HS3ST4: variants seen among roughly 807,000 people sequenced by gnomAD.
HS3ST4 encodes the protein heparan sulfate-glucosamine 3-sulfotransferase 4, also known as heparan sulfate glucosamine 3-O-sulfotransferase 4.
A neutral mutation model predicts 29.2 loss-of-function variants in HS3ST4; 17 were observed. The observed-to-expected ratio is 0.58, with a 90% CI of 0.40 to 0.87. HS3ST4 has a LOEUF of 0.87. Among genes scored for constraint, HS3ST4 ranks in the 40% least tolerant of loss-of-function variants. The probability of loss-of-function intolerance (pLI) is 0.00; values close to 1 mark genes in which losing one functional copy is unlikely to be tolerated. For missense variants in HS3ST4, 627 were observed against 634.5 expected, an observed-to-expected ratio of 0.99 and a Z score of 0.13; for synonymous variants, 314 against 285.7, an observed-to-expected ratio of 1.10 and a Z score of -1.00.
intron 1 of HS3ST4, among the ~76,000 whole-genome samples, chr16:25,791,168 A>G (rs2141619827): frequency 6.6e-6 from 1 of 152,136 alleles, no homozygotes; most frequent in Admixed American, 6.5e-5. Context: ...ATTGCAGTAT[A>G]ATGTTACTTT....
chr16:25,894,795 C>A (rs920543516), intron 1 of HS3ST4, among the ~76,000 whole-genome samples: 1 of 152,108 alleles, frequency 6.6e-6, no homozygotes, highest in African/African-American at 2.4e-5. Flanking sequence ...CATGAGCCAC[C>A]GTGCCTGGTG....
chr16:26,052,120 G>T (rs998614640), intron 1 of HS3ST4, among the ~76,000 whole-genome samples: 1 of 152,096 alleles, frequency 6.6e-6, no homozygotes, highest in East Asian at 1.9e-4. Flanking sequence ...ATTCCAGAGA[G>T]GGTTGTGTCC....
At chr16:25,840,117 T>G (rs1196561793) in intron 1 of HS3ST4, among the ~76,000 whole-genome samples, 1 of 152,234 alleles carries the variant, frequency 6.6e-6, no homozygotes. Context: ...AAGGCACCCT[T>G]GATCAACAGT....
chr16:25,788,544 C>CTTTTTTTTTT (rs565611368), intron 1 of HS3ST4, among the ~76,000 whole-genome samples: 1 of 123,572 alleles, frequency 8.1e-6, no homozygotes, highest in Non-Finnish European at 1.6e-5. Flanking sequence ...TTTCTTCTTT[C>CTTTTTTTTTT]TTTTTTTTTT....
intron 1 of HS3ST4, among the ~76,000 whole-genome samples, chr16:25,844,918 G>T (rs548153362): frequency 6.6e-6 from 1 of 152,292 alleles, no homozygotes; most frequent in South Asian, 2.1e-4. Context: ...GAAGGTGAAA[G>T]CCATTATCCT....
At chr16:25,728,132 G>A (rs1008488813) in intron 1 of HS3ST4, among the ~76,000 whole-genome samples, 1 of 152,158 alleles carries the variant, frequency 6.6e-6, no homozygotes, top group African/African-American at 2.4e-5. Context: ...CTCCTGAGTA[G>A]CTGGGATTAC....
At chr16:25,788,999 A>G (rs542446158) in intron 1 of HS3ST4, among the ~76,000 whole-genome samples, 6 of 152,180 alleles carry the variant, frequency 3.9e-5, no homozygotes, top group Admixed American at 3.3e-4. Context: ...CATTGGCCCA[A>G]TTTGGGTTAT....
chr16:26,049,398 TC>T (rs1473902824), intron 1 of HS3ST4, among the ~76,000 whole-genome samples: 1 of 149,378 alleles, frequency 6.7e-6, no homozygotes, highest in Non-Finnish European at 1.5e-5. Flanking sequence ...GAGGTCTACA[TC>T]CGGAGAATGA....
Position 25,751,256 on chromosome 16 carries a change from C to T in HS3ST4, c.734+58105C>T, listed in dbSNP as rs530462977. Among the ~76,000 whole-genome samples the T allele has an allele frequency of 1.4e-3, 209 of 152,136 alleles. 1 individual carries two copies. The highest frequency in any genetic ancestry group is 4.6e-3 in the African/African-American group (189 of 41,496). ...TATTTCCTCTGAAAGTGCGTGTGTG[C>T]GGATGTGGATGGATGTGTGTATTTA... On this transcript the variant is annotated intron_variant, in intron 1 of 1. Transcript: ENST00000331351.
rs183421320 is a variant in HS3ST4, at chr16:25,733,179, C to A, written c.734+40028C>A. Among the ~76,000 whole-genome samples, 283 of 152,282 alleles carry A rather than the reference C, an allele frequency of 1.9e-3. 1 individual carries two copies. The highest frequency in any genetic ancestry group is 2.9e-3 in the Non-Finnish European group (198 of 68,016). On this transcript the variant is annotated intron_variant, in intron 1 of 1. Coordinates refer to ENST00000331351, the MANE Select transcript of HS3ST4 (RefSeq NM_006040.3). ...GAGATTATCAAGATGCAAACACATG[C>A]ATCTTATTTTGTTTTATGTGCCAAG...
At chr16:25,789,425 TCCTTCC>T (rs1966863696) in intron 1 of HS3ST4, among the ~76,000 whole-genome samples, 2 of 57,074 alleles carry the variant, frequency 3.5e-5, no homozygotes, top group Non-Finnish European at 3.5e-5. Flanking sequence ...CTTCCTTCCT[TCCTTCC>T]TTCCTTCCTT....
intron 1 of HS3ST4, among the ~76,000 whole-genome samples, chr16:25,999,930 A>G (rs970438958): frequency 7.5e-6 from 1 of 133,114 alleles, no homozygotes; most frequent in Admixed American, 8.2e-5. Flanking sequence ...TTTCTGTTAG[A>G]CCACTCATGA....
chr16:26,117,173 G>A (rs1899211781), intron 1 of HS3ST4, among the ~76,000 whole-genome samples: 1 of 152,220 alleles, frequency 6.6e-6, no homozygotes, highest in African/African-American at 2.4e-5. Flanking sequence ...GAATTCGAAT[G>A]TGCCTACAGA....
chr16:26,125,417 G>C (rs1479548763), intron 1 of HS3ST4, among the ~76,000 whole-genome samples: 5 of 152,244 alleles, frequency 3.3e-5, no homozygotes, highest in Non-Finnish European at 5.9e-5. Flanking sequence ...ACTCCTATGA[G>C]AATCTAATGA....
At chr16:25,797,451 T>C (rs1336286266) in intron 1 of HS3ST4, among the ~76,000 whole-genome samples, 2 of 152,196 alleles carry the variant, frequency 1.3e-5, no homozygotes, top group Non-Finnish European at 2.9e-5. Context: ...AGTACCTTAT[T>C]CTCAGGTTAG....
chr16:25,759,038 G>A (rs1157905843), intron 1 of HS3ST4, among the ~76,000 whole-genome samples: 1 of 152,092 alleles, frequency 6.6e-6, no homozygotes, highest in African/African-American at 2.4e-5. Context: ...GTTTGATGTG[G>A]ATGATCTAAA....
At chr16:25,778,146 A>G (rs1369178420) in intron 1 of HS3ST4, among the ~76,000 whole-genome samples, 1 of 152,016 alleles carries the variant, frequency 6.6e-6, no homozygotes, top group African/African-American at 2.4e-5. Flanking sequence ...AAATATATAT[A>G]TATATTTTTT....
rs556375645 is a variant in HS3ST4, at chr16:25,980,080, C to T, written c.735-155532C>T. 3.3e-5 allele frequency among the ~76,000 whole-genome samples: 5 copies of T among 152,286 alleles called. No individual in the cohort carries two copies. In the South Asian group the frequency reaches 1.0e-3, roughly 32 times the overall value. Reference sequence around the variant, plus strand: ...TCATGTCCTCCTCCAATCTGTTCTTCACATGGCAAGTGTGGCCATGTTTCT... The same window carrying T: ...TCATGTCCTCCTCCAATCTGTTCTTTACATGGCAAGTGTGGCCATGTTTCT... On this transcript the variant is annotated intron_variant, in intron 1 of 1. Transcript: ENST00000331351.
chr16:26,028,145 C>T lies in HS3ST4; in HGVS notation c.735-107467C>T, dbSNP rs770431156. ...AAAATTAGCTGGGTGTAGTAGCAGGCGCCTGTAATCTCAGCTACCTGGGAG... is the reference window on the plus strand; with the variant it reads ...AAAATTAGCTGGGTGTAGTAGCAGGTGCCTGTAATCTCAGCTACCTGGGAG... On this transcript the variant is annotated intron_variant, in intron 1 of 1. Transcript: ENST00000331351. Among the ~76,000 whole-genome samples the T allele has an allele frequency of 9.2e-5, 14 of 151,472 alleles. No homozygotes were observed. The East Asian group carries it at 1.4e-3, about 15-fold the overall frequency.
Sources: allele counts gnomAD v4.1 joint callset (sites outside exome capture counted in the v4.1 genomes callset), GRCh38; gene constraint gnomAD v4.1.1; transcripts MANE v1.5; gene names NCBI Gene and HGNC (gene_info 2026-07-23, HGNC 2026-07-21).